GGN: variants seen among roughly 807,000 people sequenced by gnomAD.
GGN encodes the protein gametogenetin.
In GGN, 27 loss-of-function variants were observed where a neutral mutation model predicts 35.5. The observed-to-expected ratio is 0.76, with a 90% CI of 0.56 to 1.05. GGN has a LOEUF of 1.05. Ranked by LOEUF, GGN falls within the 50% of genes least tolerant of loss-of-function variation. The probability of loss-of-function intolerance (pLI) is 0.00; values close to 1 mark genes in which losing one functional copy is unlikely to be tolerated. For missense variants in GGN, 1,006 were observed against 940.7 expected (o/e 1.07, Z -0.91); for synonymous variants, 425 against 444.1 (o/e 0.96, Z 0.54).
Position 38,387,362 on chromosome 19 carries a change from C to T in GGN, c.-19-82G>A. ...CTGGCTGTACTTGATCTAATGCGTC[C>T]GCACCGGCCCCGCCCCTGTTCTCCA... On this transcript the variant is annotated intron_variant, in intron 2 of 3. Coordinates refer to ENST00000334928, the MANE Select transcript of GGN (RefSeq NM_152657.4). The surrounding 1 kb of genome is among the most constrained non-coding windows in gnomAD (Gnocchi z 5.3). 1.4e-6 allele frequency: 2 copies of T among 1,445,000 alleles called. No individual in the cohort carries two copies. Among genetic ancestry groups the T allele is most frequent in the Non-Finnish European group, 1.8e-6 (2 of 1,101,528 alleles). The allele number at this position is 1,445,000 out of a possible 1,614,324, so 89.5% of individuals were successfully genotyped here.
In GGN at chr19:38,386,790, G is replaced by T; in HGVS notation, c.472C>A (p.Pro158Thr). ...GGCGGAAATTGGGATGGGGCCCTCG[G>T]GACAGTGTCCTTCACGGATAGTTGC... ...PRQLSVKDTVPRAPSQFPPPL... is the reference protein window; with the variant it reads ...PRQLSVKDTVTRAPSQFPPPL... The change falls in exon 3 of 4, where the codon CCG (proline) becomes ACG (threonine). Residue 158 changes from proline (P) to threonine (T), a missense_variant. By Grantham distance (38) the Pro-to-Thr change is conservative. Coordinates refer to ENST00000334928, the MANE Select transcript of GGN (RefSeq NM_152657.4). The T allele has an allele frequency of 6.2e-7, 1 of 1,611,080 alleles. No individual in the cohort carries two copies. The highest frequency in any genetic ancestry group is 8.5e-7 in the Non-Finnish European group (1 of 1,178,112).
Position 38,386,669 on chromosome 19 carries a change from G to A in GGN, c.593C>T (p.Pro198Leu), listed in dbSNP as rs183879202. Reference sequence around the variant, plus strand: ...GGGCCCAGCCTGGCTTTCTGTCGGGGGTGAGGCGGGTGTGGCCAGAGCAGG... The same window carrying A: ...GGGCCCAGCCTGGCTTTCTGTCGGGAGTGAGGCGGGTGTGGCCAGAGCAGG... ...ITPALATPASPPTESQAGPRN... is the reference protein window; with the variant it reads ...ITPALATPASLPTESQAGPRN... The change falls in exon 3 of 4, where the codon CCC becomes CTC. Residue 198 changes from proline to leucine, a missense_variant. Pro to Leu is a moderately conservative substitution (Grantham distance 98, BLOSUM62 -3). Transcript: ENST00000334928. 14,240 of 1,610,952 alleles carry A rather than the reference G, an allele frequency of 8.8e-3. 101 individuals carry two copies. Among genetic ancestry groups the A allele is most frequent in the Non-Finnish European group, 9.0e-3 (10,643 of 1,178,394 alleles).
At position 38,386,346 on chromosome 19, in the gene GGN, A is replaced by C; in HGVS notation, c.916T>G (p.Ser306Ala). 6.2e-7 allele frequency: 1 copy of C among 1,612,684 alleles called. No individual in the cohort carries two copies. ...CCCTCGGCTTCCTGTGCCCCTCGAG[A>C]AACCTCTCCCAAGGGGCGAGCGGCT... ...PGAARPLGEV[S>A]RGAQEAEGGD... Residue 306 changes from serine (S) to alanine (A), a missense_variant, in exon 3 of 4, where the codon TCT becomes GCT. Transcript: ENST00000334928.
rs555406241 is a variant in GGN at position 38,387,758 on chromosome 19, C to T, written c.-20+3G>A. 1 of 158,630 alleles carries T rather than the reference C, an allele frequency of 6.3e-6. No homozygotes were observed. Among genetic ancestry groups the T allele is most frequent in the South Asian group, 1.8e-4 (1 of 5,444 alleles). The allele number at this position is 158,630 out of a possible 1,614,324, so 9.8% of individuals were successfully genotyped here. On this transcript the variant is annotated splice_donor_region_variant and intron_variant, in intron 2 of 3. Transcript: ENST00000334928. The surrounding 1 kb of genome is among the most constrained non-coding windows in gnomAD (Gnocchi z 5.3). ...CCGCCTCCCCCCAGAGGAACCCACT[C>T]ACCGAGTCCTCCAGCCGAGCAGAGT...
In GGN at chr19:38,387,584, C is replaced by G. The variant is rs1002147536; in HGVS notation, c.-20+177G>C. 6.6e-6 allele frequency among the ~76,000 whole-genome samples: 1 copy of G among 152,186 alleles called. No homozygotes were observed. Among genetic ancestry groups the G allele is most frequent in the Admixed American group, 6.5e-5 (1 of 15,282 alleles). ...GTCCTCTCCTCTAACTCTCCGACTC[C>G]CCGCCTCTCTCTAGAGCACCTGGGT... On this transcript the variant is annotated intron_variant, in intron 2 of 3. Transcript: ENST00000334928. The surrounding 1 kb of genome is among the most constrained non-coding windows in gnomAD (Gnocchi z 5.3).
Position 38,387,190 on chromosome 19 carries a change from G to C in GGN, c.72C>G (p.Pro24=). Residue 24 remains proline, a synonymous_variant, in exon 3 of 4, where the codon CCC becomes CCG. Transcript: ENST00000334928. The surrounding 1 kb of genome is among the most constrained non-coding windows in gnomAD (Gnocchi z 5.3). ...SRKVQPSDRA[P]DSRRTSLVEP... is the part of the protein sequence containing the mutation. ...CCACCAGGGACGTCCGGCGGGAGTC[G>C]GGGGCGCGGTCCGAGGGCTGCACTT... 1 of 1,591,818 alleles carries C rather than the reference G, an allele frequency of 6.3e-7. No homozygotes were observed. Among genetic ancestry groups the C allele is most frequent in the South Asian group, 1.1e-5 (1 of 87,814 alleles).
At position 38,385,927 on chromosome 19, in the gene GGN, CGGTGTGGGCGGT is replaced by C. The variant is rs1568390862; in HGVS notation, c.1323_1334del (p.Pro445_Thr448del). The C allele has an allele frequency of 7.6e-6, 12 of 1,577,508 alleles. No individual in the cohort carries two copies. Among genetic ancestry groups the C allele is most frequent in the Middle Eastern group, 1.8e-4 (1 of 5,674 alleles). The stretch of plus-strand genomic sequence containing the variant: ...GCGCTGGTGGCTGCAGTGTGGGCGG[CGGTGTGGGCGGT>C]GGCAGCGGTGGTAACTCCTGCAGGC... On this transcript the variant is annotated inframe_deletion, in exon 3 of 4. Transcript: ENST00000334928.
At chr19:38,384,652 G>C in intron 3 of GGN, 123 bp from the exon 4 acceptor site, 1 of 685,250 alleles carries the variant, frequency 1.5e-6, no homozygotes, top group South Asian at 1.8e-5. Flanking sequence ...ATATCCCAAA[G>C]GCAGTTTAGG....
chr19:38,384,841 C>A (rs1042191290), intron 3 of GGN, among the ~76,000 whole-genome samples: 1 of 152,138 alleles, frequency 6.6e-6, no homozygotes, highest in Admixed American at 6.5e-5. Flanking sequence ...GATGCATTGT[C>A]CCCCTGGATG....
In GGN at chr19:38,387,125, C is replaced by T; in HGVS notation, c.137G>A (p.Gly46Glu). 1.3e-6 allele frequency: 2 copies of T among 1,566,186 alleles called. No individual in the cohort carries two copies. Among genetic ancestry groups the T allele is most frequent in the Non-Finnish European group, 1.7e-6 (2 of 1,155,304 alleles). Reference sequence around the variant, plus strand: ...GCTGCCAGGGAACCAGACACCCAGCCCACGAGTCAGGCGCATGGCCTGGGA... The same window carrying T: ...GCTGCCAGGGAACCAGACACCCAGCTCACGAGTCAGGCGCATGGCCTGGGA... ...MTSQAMRLTRGLGVWFPGSAT... is the reference protein window; with the variant it reads ...MTSQAMRLTRELGVWFPGSAT... Residue 46 changes from glycine (G) to glutamate (E), a missense_variant, in exon 3 of 4, where the codon GGG (glycine) becomes GAG (glutamate). Gly to Glu is a moderately conservative substitution (Grantham distance 98, BLOSUM62 -2). Coordinates refer to ENST00000334928, the MANE Select transcript of GGN (RefSeq NM_152657.4). The surrounding 1 kb of genome is among the most constrained non-coding windows in gnomAD (Gnocchi z 5.3).
At position 38,385,871 on chromosome 19, in the gene GGN, G is replaced by C; in HGVS notation, c.1391C>G (p.Pro464Arg). Residue 464 changes from proline to arginine, a missense_variant, in exon 3 of 4, where the codon CCG (proline) becomes CGG (arginine). Pro to Arg is a moderately radical substitution (Grantham distance 103, BLOSUM62 -2). Coordinates refer to ENST00000334928, the MANE Select transcript of GGN (RefSeq NM_152657.4). ...CTTGTGGCCCAGACCCGGGGTGAGCGGGGGAGCCACCGGCAGCGGCGTTGG... is the reference window on the plus strand; with the variant it reads ...CTTGTGGCCCAGACCCGGGGTGAGCCGGGGAGCCACCGGCAGCGGCGTTGG... ...LQPTPLPVAP[P>R]LTPGLGHKES... 2 of 1,546,862 alleles carry C rather than the reference G, an allele frequency of 1.3e-6. No homozygotes were observed. Among genetic ancestry groups the C allele is most frequent in the Non-Finnish European group, 1.7e-6 (2 of 1,148,964 alleles).
upstream of GGN, chr19:38,388,298 G>A (rs974246215): frequency 7.9e-6 from 3 of 379,390 alleles, no homozygotes; most frequent in African/African-American, 6.3e-5. Flanking sequence ...CGTGACGCAC[G>A]CACTAGTCCT....
chr19:38,385,674 C>A lies in GGN; in HGVS notation c.1588G>T (p.Gly530Cys). ...GTCGCGCCCCGGGCTGCACGGGAAC[C>A]CTTGTTCCTGCGCGTGCGGGTCTTG... ...PIKTRTRRNK[G>C]SRAARGATRK... Residue 530 changes from glycine to cysteine, a missense_variant, in exon 3 of 4, where the codon GGT becomes TGT. Gly to Cys is a radical substitution (Grantham distance 159, BLOSUM62 -3). Transcript: ENST00000334928. 6.2e-7 allele frequency: 1 copy of A among 1,613,704 alleles called. No individual in the cohort carries two copies. Among genetic ancestry groups the A allele is most frequent in the Non-Finnish European group, 8.5e-7 (1 of 1,179,944 alleles).
chr19:38,386,767 C>T lies in GGN; in HGVS notation c.495G>A (p.Pro165=). 3 of 1,609,930 alleles carry T rather than the reference C, an allele frequency of 1.9e-6. No individual in the cohort carries two copies. The highest frequency in any genetic ancestry group is 2.5e-6 in the Non-Finnish European group (3 of 1,177,482). ...GCGGCTTCCAAGTCTCCAGGGGCGG[C>T]GGAAATTGGGATGGGGCCCTCGGGA... The part of the protein sequence containing the change: ...DTVPRAPSQF[P]PPLETWKPPP... Residue 165 remains proline, a synonymous_variant, in exon 3 of 4, where the codon CCG becomes CCA. Transcript: ENST00000334928.
rs192597551 is a variant in GGN at position 38,386,666 on chromosome 19, G to T, written c.596C>A (p.Pro199Gln). 237 of 1,611,604 alleles carry T rather than the reference G, an allele frequency of 1.5e-4. No individual in the cohort carries two copies. In the East Asian group the frequency reaches 3.8e-3, roughly 26 times the overall value. ...GCGGGGCCCAGCCTGGCTTTCTGTC[G>T]GGGGTGAGGCGGGTGTGGCCAGAGC... Reference protein sequence around the residue: ...TPALATPASPPTESQAGPRNQ... With the variant: ...TPALATPASPQTESQAGPRNQ... Residue 199 changes from proline to glutamine, a missense_variant, in exon 3 of 4, where the codon CCG becomes CAG. By Grantham distance (76) the Pro-to-Gln change is moderately conservative (BLOSUM62 -1). Transcript: ENST00000334928.
rs969629054 is a variant in GGN, at chr19:38,387,746, G to C, written c.-20+15C>G. 6.2e-6 allele frequency: 1 copy of C among 160,046 alleles called. No individual in the cohort carries two copies. The highest frequency in any genetic ancestry group is 6.5e-5 in the Admixed American group (1 of 15,458). The allele number at this position is 160,046 out of a possible 1,614,324, so 9.9% of individuals were successfully genotyped here. A position where few individuals can be genotyped will look rare whatever the true frequency, so the allele number is the denominator to read the frequency against. On this transcript the variant is annotated intron_variant, in intron 2 of 3. Transcript: ENST00000334928. The surrounding 1 kb of genome is among the most constrained non-coding windows in gnomAD (Gnocchi z 5.3). ...TCCGCCCTGGCCCCGCCTCCCCCCA[G>C]AGGAACCCACTCACCGAGTCCTCCA...
intron 3 of GGN, 39 bp downstream of exon 3, chr19:38,385,382 C>A: frequency 6.2e-7 from 1 of 1,612,062 alleles, no homozygotes. Context: ...ATCCAGCAGT[C>A]TGGGGTTCGG....
At chr19:38,384,613 A>G (rs907643286) in intron 3 of GGN, 84 bp from the exon 4 acceptor site, 1 of 987,360 alleles carries the variant, frequency 1.0e-6, no homozygotes, top group African/African-American at 1.6e-5. Context: ...CCCCATATGA[A>G]TAGGGAAGCT....
At position 38,387,417 on chromosome 19, in the gene GGN, G is replaced by A. The variant is rs1970753082; in HGVS notation, c.-19-137C>T. 9.4e-6 allele frequency: 13 copies of A among 1,377,626 alleles called. No individual in the cohort carries two copies. The South Asian group carries it at 1.7e-4, about 18-fold the overall frequency. The allele number at this position is 1,377,626 out of a possible 1,614,324, so 85.3% of individuals were successfully genotyped here. A position where few individuals can be genotyped will look rare whatever the true frequency, so the allele number is the denominator to read the frequency against. ...CCGATCAGGCCCAAGTCCTTAGGTCGCACTCCTGTTCCCCGACCTTCGACA... is the reference window on the plus strand; with the variant it reads ...CCGATCAGGCCCAAGTCCTTAGGTCACACTCCTGTTCCCCGACCTTCGACA... On this transcript the variant is annotated intron_variant, in intron 2 of 3. Transcript: ENST00000334928. The surrounding 1 kb of genome is among the most constrained non-coding windows in gnomAD (Gnocchi z 5.3).
Sources: gnomAD v4.1 joint callset for allele counts (sites outside exome capture counted in the v4.1 genomes callset) on GRCh38, gnomAD v4.1.1 for gene constraint, Gnocchi (gnomAD v3.1) non-coding constraint, MANE v1.5 for transcripts, NCBI Gene and HGNC (gene_info 2026-07-23, HGNC 2026-07-21) for gene names.